GLDC: variants seen among roughly 807,000 people sequenced by gnomAD.
GLDC encodes glycine dehydrogenase (decarboxylating), mitochondrial.
GLDC carries 104 observed loss-of-function variants against 121.3 expected under a neutral mutation model. The observed-to-expected ratio is 0.86, with a 90% CI of 0.73 to 1.01. The LOEUF (loss-of-function observed/expected upper bound fraction) is 1.01, where lower values mean the gene tolerates loss of function less well. GLDC is among the 50% of genes least tolerant of loss of function. The pLI, the probability that GLDC is intolerant of heterozygous loss-of-function variation, is 0.00. For missense variants in GLDC, 1,429 were observed against 1,306.6 expected (o/e 1.09, Z -1.44); for synonymous variants, 546 against 480.6 (o/e 1.14, Z -1.78).
At chr9:6,605,388 G>T in intron 5 of GLDC, 110 bp from the exon 6 acceptor site, 1 of 1,112,330 alleles carries the variant, frequency 9.0e-7, no homozygotes, top group Non-Finnish European at 1.3e-6. Flanking sequence ...CTCCCACAGT[G>T]GCCTCCCACC....
At position 6,554,736 on chromosome 9, in the gene GLDC, G is replaced by A. The variant is rs775858027; in HGVS notation, c.2248C>T (p.Leu750=). ...ATGCAGAAGGTCTTGTGAAGATTTA[G>A]GTGCGAGACATCAGACCCGAAGTCT... ...PGDFGSDVSH[L]NLHKTFCIPH... is the part of the protein sequence containing the mutation. Residue 750 remains leucine (L), a synonymous_variant, in exon 19 of 25, where the codon CTA becomes TTA. Coordinates refer to ENST00000321612, the MANE Select transcript of GLDC (RefSeq NM_000170.3). 6.2e-7 allele frequency: 1 copy of A among 1,613,594 alleles called. No homozygotes were observed. Among genetic ancestry groups the A allele is most frequent in the Non-Finnish European group, 8.5e-7 (1 of 1,179,966 alleles).
At chr9:6,616,541 A>C (rs1164013828) in intron 3 of GLDC, among the ~76,000 whole-genome samples, 7 of 152,210 alleles carry the variant, frequency 4.6e-5, no homozygotes, top group Non-Finnish European at 1.0e-4. Context: ...GAGAGATGAC[A>C]AATAACCCTC....
At chr9:6,553,006 G>A (rs1462860942) in intron 20 of GLDC, among the ~76,000 whole-genome samples, 2 of 151,994 alleles carry the variant, frequency 1.3e-5, no homozygotes, top group Non-Finnish European at 2.9e-5. Context: ...TACATGCACT[G>A]CTTTTCACTC....
chr9:6,585,937 G>C (rs557707911), intron 15 of GLDC, among the ~76,000 whole-genome samples: 1 of 149,418 alleles, frequency 6.7e-6, no homozygotes, highest in East Asian at 1.9e-4. Flanking sequence ...TGAAGGCAGA[G>C]AGACCACAAA....
chr9:6,645,397 G>C lies in GLDC; in HGVS notation c.103C>G (p.Arg35Gly). The C allele has an allele frequency of 6.7e-7, 1 of 1,499,990 alleles. No individual in the cohort carries two copies. Among genetic ancestry groups the C allele is most frequent in the Non-Finnish European group, 8.9e-7 (1 of 1,125,974 alleles). 92.9% of individuals were successfully genotyped at this position (1,499,990 alleles called of 1,614,324 possible). Residue 35 changes from arginine (R) to glycine (G), a missense_variant, in exon 1 of 25, where the codon CGG (arginine) becomes GGG (glycine). Arg to Gly is a moderately radical substitution (Grantham distance 125). Coordinates refer to ENST00000321612, the MANE Select transcript of GLDC (RefSeq NM_000170.3). ...GSGPCWAPRSRDSSSGGGDSA... is the reference protein window; with the variant it reads ...GSGPCWAPRSGDSSSGGGDSA... Reference sequence around the variant, plus strand: ...TCCCCGCCGCCACTGCTGCTGTCCCGGCTCCGCGGCGCCCAGCACGGCCCC... The same window carrying C: ...TCCCCGCCGCCACTGCTGCTGTCCCCGCTCCGCGGCGCCCAGCACGGCCCC...
chr9:6,601,999 T>C (rs1274632206), intron 8 of GLDC, 110 bp downstream of exon 8: 1 of 745,870 alleles, frequency 1.3e-6, no homozygotes, highest in Non-Finnish European at 2.4e-6. Flanking sequence ...ATTTCTGGTG[T>C]GCTCACTGCT....
At chr9:6,564,597 A>G (rs985356156) in intron 16 of GLDC, among the ~76,000 whole-genome samples, 5 of 152,168 alleles carry the variant, frequency 3.3e-5, no homozygotes, top group African/African-American at 1.2e-4. Flanking sequence ...TGCTCCTATT[A>G]AGGACTTCCG....
chr9:6,555,023 G>A (rs936235295), intron 18 of GLDC: 3 of 575,818 alleles, frequency 5.2e-6, no homozygotes, highest in Non-Finnish European at 9.3e-6. Flanking sequence ...GTCCAATTTA[G>A]ATTTAAAAAT....
intron 8 of GLDC, among the ~76,000 whole-genome samples, chr9:6,598,587 A>G (rs35372321): frequency 0.21 from 31,369 of 152,176 alleles, 3,691 homozygotes; most frequent in Admixed American, 0.28. Flanking sequence ...GCACAAAAGG[A>G]ACAACTCAAA....
chr9:6,535,110 C>T (rs11999004), intron 23 of GLDC, among the ~76,000 whole-genome samples: 8,651 of 152,108 alleles, frequency 0.057, 769 homozygotes, highest in African/African-American at 0.2. Context: ...CTTCTGAATT[C>T]GGTGTTTACC....
At chr9:6,614,501 T>G (rs371780175) in intron 3 of GLDC, among the ~76,000 whole-genome samples, 1 of 151,054 alleles carries the variant, frequency 6.6e-6, no homozygotes, top group East Asian at 2.0e-4. Context: ...TCCCAAAATG[T>G]TGGGAATACA....
intron 11 of GLDC, 152 bp downstream of exon 11, chr9:6,591,991 G>A (rs1587950151): frequency 2.9e-6 from 2 of 680,360 alleles, no homozygotes; most frequent in Non-Finnish European, 2.7e-6. Context: ...GCTGTCAGCA[G>A]TGACTAGCAA....
At chr9:6,589,316 T>C (rs769449879) in intron 11 of GLDC, 24 bp from the exon 12 acceptor site, 15 of 1,438,430 alleles carry the variant, frequency 1.0e-5, no homozygotes, top group Middle Eastern at 1.7e-4. Flanking sequence ...ACAGAGATGA[T>C]AGGGCCAGAA....
At chr9:6,597,721 G>C (rs1051729068) in intron 8 of GLDC, among the ~76,000 whole-genome samples, 1 of 152,196 alleles carries the variant, frequency 6.6e-6, no homozygotes, top group Non-Finnish European at 1.5e-5. Flanking sequence ...TGGATCATGA[G>C]GTCAGGAGAT....
chr9:6,554,942 C>A, intron 18 of GLDC, 161 bp from the exon 19 acceptor site: 2 of 686,168 alleles, frequency 2.9e-6, no homozygotes, highest in Non-Finnish European at 5.3e-6. Context: ...TGGCCCAGTT[C>A]CGTAGTCACA....
At chr9:6,610,140 C>T in intron 4 of GLDC, 52 bp downstream of exon 4, 2 of 1,382,530 alleles carry the variant, frequency 1.4e-6, no homozygotes, top group Middle Eastern at 1.8e-4. Context: ...GAAAACAAGG[C>T]CAGGCGAGGT....
intron 2 of GLDC, among the ~76,000 whole-genome samples, chr9:6,644,193 G>T (rs2130027725): frequency 6.6e-6 from 1 of 151,940 alleles, no homozygotes; most frequent in Non-Finnish European, 1.5e-5. Context: ...GGGGAGGGAG[G>T]CGAGATGTCT....
chr9:6,552,103 G>T (rs12353101), intron 20 of GLDC, among the ~76,000 whole-genome samples: 4,018 of 152,300 alleles, frequency 0.026, 156 homozygotes, highest in African/African-American at 0.091. Flanking sequence ...GAGTCTAGCA[G>T]TCCTGTAGGT....
intron 20 of GLDC, 100 bp downstream of exon 20, chr9:6,553,268 A>G (rs2129714108): frequency 2.8e-6 from 3 of 1,053,682 alleles, no homozygotes; most frequent in African/African-American, 1.6e-5. Flanking sequence ...CAGATCATGA[A>G]TTTATTTGTT....
Sources: allele counts gnomAD v4.1 joint callset (sites outside exome capture counted in the v4.1 genomes callset), GRCh38; gene constraint gnomAD v4.1.1; transcripts MANE v1.5; gene names NCBI Gene and HGNC (gene_info 2026-07-23, HGNC 2026-07-21).